SFI1: variants seen among roughly 807,000 people sequenced by gnomAD.
The protein encoded by SFI1 is protein SFI1 homolog.
SFI1 carries 195 observed loss-of-function variants against 207.5 expected under a neutral mutation model. That is an observed-to-expected ratio of 0.94 (90% CI 0.84 to 1.06). SFI1 has a LOEUF of 1.06. SFI1 is among the 50% of genes least tolerant of loss of function. The pLI is 0.00. For synonymous variants in SFI1, 630 were observed against 598.9 expected, an observed-to-expected ratio of 1.05 and a Z score of -0.76; for missense variants, 1,634 against 1,588.0, an observed-to-expected ratio of 1.03 and a Z score of -0.49.
chr22:31,514,838 C>T (rs1054104760), intron 2 of SFI1, among the ~76,000 whole-genome samples: 1 of 150,560 alleles, frequency 6.6e-6, no homozygotes, highest in Non-Finnish European at 1.5e-5. Context: ...GTGGCACAAT[C>T]TCAGCTCACT....
chr22:31,604,745 C>T lies in SFI1; in HGVS notation c.1978-124C>T, dbSNP rs889439423. On this transcript the variant is annotated intron_variant, in intron 19 of 32. Transcript: ENST00000400288. ...GGCCCTGGGACCAGGGGCTGTTGGC[C>T]TCTTCCTACCCTTTTTGAGTTCTCT... 1.1e-5 allele frequency: 9 copies of T among 840,350 alleles called. No homozygotes were observed. The African/African-American group carries it at 1.4e-4, about 13-fold the overall frequency. The allele number at this position is 840,350 out of a possible 1,614,324, so 52.1% of individuals were successfully genotyped here. A position where few individuals can be genotyped will look rare whatever the true frequency, so the allele number is the denominator to read the frequency against.
rs1349759438 is a variant in SFI1 at position 31,616,812 on chromosome 22, A to AC, written c.3373dup (p.His1125ProfsTer26). 1.2e-6 allele frequency: 2 copies of AC among 1,611,720 alleles called. No homozygotes were observed. Among genetic ancestry groups the AC allele is most frequent in the Admixed American group, 1.7e-5 (1 of 59,734 alleles). Reference sequence around the variant, plus strand: ...CCCTCATCCCTGGCCAGTGTCCCTGACCCCCATCTACTCCTTCCTGGGGAC... The same window carrying AC: ...CCCTCATCCCTGGCCAGTGTCCCTGACCCCCCATCTACTCCTTCCTGGGGAC... On this transcript the variant is annotated frameshift_variant, in exon 30 of 33. Coordinates refer to ENST00000400288, the MANE Select transcript of SFI1 (RefSeq NM_001007467.3). LOFTEE classifies it high-confidence loss of function.
At chr22:31,510,288 G>C (rs1046253475) in intron 2 of SFI1, among the ~76,000 whole-genome samples, 2 of 151,770 alleles carry the variant, frequency 1.3e-5, no homozygotes, top group African/African-American at 4.8e-5. Flanking sequence ...TCTAACTCCT[G>C]GGCTCAGGCA....
chr22:31,527,098 T>C (rs766616665), intron 2 of SFI1, among the ~76,000 whole-genome samples: 11 of 152,136 alleles, frequency 7.2e-5, no homozygotes, highest in Non-Finnish European at 1.6e-4. Flanking sequence ...GATTTCGCCA[T>C]GTTGGCCAGG....
chr22:31,615,472 C>T (rs2071257701), intron 29 of SFI1, 193 bp downstream of exon 29: 1 of 455,206 alleles, frequency 2.2e-6, no homozygotes, highest in African/African-American at 2.0e-5. Context: ...AGCCAAGGGC[C>T]CTGCCATCCT....
chr22:31,512,696 T>C (rs1394120822), intron 2 of SFI1, among the ~76,000 whole-genome samples: 3 of 151,830 alleles, frequency 2.0e-5, no homozygotes, highest in Non-Finnish European at 2.9e-5. Flanking sequence ...ATTTGTATTT[T>C]TTTTTTTTGA....
chr22:31,595,008 T>A (rs1295922569), intron 15 of SFI1, among the ~76,000 whole-genome samples: 1 of 152,010 alleles, frequency 6.6e-6, no homozygotes, highest in Non-Finnish European at 1.5e-5. Context: ...TTTATTTATT[T>A]ATTTTTGAGT....
intron 4 of SFI1, among the ~76,000 whole-genome samples, chr22:31,545,726 G>A (rs974033519): frequency 1.3e-5 from 2 of 151,352 alleles, no homozygotes; most frequent in African/African-American, 2.4e-5. Context: ...GACTACTGGC[G>A]TGCACCACCA....
chr22:31,608,992 T>C (rs2069569704), intron 22 of SFI1, among the ~76,000 whole-genome samples: 1 of 151,810 alleles, frequency 6.6e-6, no homozygotes, highest in Non-Finnish European at 1.5e-5. Flanking sequence ...GGTGACAGAA[T>C]GAGACCCAGT....
rs187523051 is a variant in SFI1 at position 31,595,733 on chromosome 22, G to A, written c.1544+6156G>A. On this transcript the variant is annotated intron_variant, in intron 15 of 32. Transcript: ENST00000400288. ...GAAGTATCTGGGAGAGGCTTCCTGTGAGTGAGAGGGTGAGGATGGTGGCTG... is the reference window on the plus strand; with the variant it reads ...GAAGTATCTGGGAGAGGCTTCCTGTAAGTGAGAGGGTGAGGATGGTGGCTG... 2.5e-3 allele frequency among the ~76,000 whole-genome samples: 378 copies of A among 152,324 alleles called. 1 individual carries two copies. Among genetic ancestry groups the A allele is most frequent in the Non-Finnish European group, 2.6e-3 (175 of 68,028 alleles).
At chr22:31,616,955 C>T in intron 30 of SFI1, 45 bp from the exon 31 acceptor site, 2 of 1,613,492 alleles carry the variant, frequency 1.2e-6, no homozygotes, top group Non-Finnish European at 1.7e-6. Flanking sequence ...ACCCTGGTCC[C>T]CGAGGGGAAA....
chr22:31,598,716 C>CTTTTTTTT (rs71184513), intron 15 of SFI1, among the ~76,000 whole-genome samples: 8,217 of 26,726 alleles, frequency 0.31, 3,061 homozygotes, highest in Non-Finnish European at 0.35. Flanking sequence ...TGCGCCTGGC[C>CTTTTTTTT]TTTTTTTTTT....
chr22:31,508,688 C>T (rs1395634938), intron 2 of SFI1, among the ~76,000 whole-genome samples: 1 of 152,160 alleles, frequency 6.6e-6, no homozygotes, highest in Admixed American at 6.6e-5. Context: ...GTGTCTTCTA[C>T]TTTTGATCAT....
intron 15 of SFI1, among the ~76,000 whole-genome samples, chr22:31,594,944 G>T (rs5753714): frequency 0.71 from 107,599 of 151,102 alleles, 38,787 homozygotes; most frequent in Non-Finnish European, 0.76. Context: ...CCCACAGCAG[G>T]TTCTTAGTAT....
chr22:31,564,102 C>A (rs867966464), intron 8 of SFI1, among the ~76,000 whole-genome samples: 3 of 151,392 alleles, frequency 2.0e-5, no homozygotes, highest in Non-Finnish European at 4.4e-5. Flanking sequence ...CTGAGGTGGG[C>A]GGATCATGAG....
chr22:31,525,633 C>T (rs1416250678), intron 2 of SFI1, among the ~76,000 whole-genome samples: 1 of 152,078 alleles, frequency 6.6e-6, no homozygotes, highest in Non-Finnish European at 1.5e-5. Context: ...GGGAAGATCA[C>T]CTGAATCTGG....
At chr22:31,564,050 A>C (rs13055181) in intron 8 of SFI1, among the ~76,000 whole-genome samples, 1 of 151,770 alleles carries the variant, frequency 6.6e-6, no homozygotes, top group Non-Finnish European at 1.5e-5. Flanking sequence ...CAGATAGGCC[A>C]GGCGCGGTGG....
At chr22:31,607,424 G>T (rs1383479934) in intron 21 of SFI1, among the ~76,000 whole-genome samples, 1 of 151,962 alleles carries the variant, frequency 6.6e-6, no homozygotes, top group East Asian at 1.9e-4. Flanking sequence ...CCAACATGGT[G>T]AAACTCCGTC....
chr22:31,533,881 A>T (rs2058743332), intron 4 of SFI1, among the ~76,000 whole-genome samples: 1 of 152,076 alleles, frequency 6.6e-6, no homozygotes, highest in Non-Finnish European at 1.5e-5. Flanking sequence ...CTCCACTGTT[A>T]GCTTAGAAGT....
Sources: allele counts gnomAD v4.1 joint callset (sites outside exome capture counted in the v4.1 genomes callset), GRCh38; gene constraint gnomAD v4.1.1; transcripts MANE v1.5; gene names NCBI Gene and HGNC (gene_info 2026-07-23, HGNC 2026-07-21).